ADGRV1: variants seen among roughly 807,000 people sequenced by gnomAD.
ADGRV1 encodes the protein adhesion G protein-coupled receptor V1.
Under a neutral mutation model 596.2 loss-of-function variants are expected in ADGRV1, and 359 were observed. The observed-to-expected ratio is 0.60, with a 90% confidence interval of 0.55 to 0.66. The LOEUF (loss-of-function observed/expected upper bound fraction) is 0.66, where lower values mean the gene tolerates loss of function less well. Ranked by LOEUF, ADGRV1 falls within the 30% of genes least tolerant of loss-of-function variation. ADGRV1 has a pLI of 0.00. For synonymous variants in ADGRV1, 2,681 were observed against 2,679.2 expected, an observed-to-expected ratio of 1.00 and a Z score of -0.02; for missense variants, 7,274 against 7,575.6, an observed-to-expected ratio of 0.96 and a Z score of 1.48.
At chr5:90,778,757 C>CT in intron 63 of ADGRV1, 108 bp from the exon 64 acceptor site, 1 of 1,073,340 alleles carries the variant, frequency 9.3e-7, no homozygotes, top group Non-Finnish European at 1.3e-6. Context: ...ATTTTATAAC[C>CT]TTATATGTAA....
intron 53 of ADGRV1, among the ~76,000 whole-genome samples, chr5:90,751,504 A>G (rs935892359): frequency 2.6e-5 from 4 of 152,258 alleles, no homozygotes; most frequent in African/African-American, 9.6e-5. Context: ...GAGATTATCT[A>G]TTACTGGAGA....
intron 87 of ADGRV1, among the ~76,000 whole-genome samples, chr5:91,110,482 G>A (rs768714756): frequency 9.2e-5 from 14 of 152,096 alleles, no homozygotes; most frequent in Non-Finnish European, 1.6e-4. Flanking sequence ...TAAATATTTT[G>A]CATATCACTC....
chr5:91,014,045 A>G (rs1782950921), intron 85 of ADGRV1, among the ~76,000 whole-genome samples: 1 of 150,748 alleles, frequency 6.6e-6, no homozygotes, highest in Non-Finnish European at 1.5e-5. Context: ...TGGGCTCTCT[A>G]TTTTGTTCCG....
At chr5:91,128,547 T>C (rs1047069970) in intron 87 of ADGRV1, among the ~76,000 whole-genome samples, 1 of 152,202 alleles carries the variant, frequency 6.6e-6, no homozygotes, top group South Asian at 2.1e-4. Flanking sequence ...GAATAAATAC[T>C]TGGATGAATG....
At chr5:90,710,175 A>C (rs993045806) in intron 39 of ADGRV1, among the ~76,000 whole-genome samples, 1 of 152,204 alleles carries the variant, frequency 6.6e-6, no homozygotes, top group African/African-American at 2.4e-5. Context: ...CCATCCAGGC[A>C]GCTACCATAA....
At chr5:91,044,494 A>C (rs189376861) in intron 85 of ADGRV1, among the ~76,000 whole-genome samples, 10 of 152,206 alleles carry the variant, frequency 6.6e-5, no homozygotes, top group African/African-American at 2.4e-4. Flanking sequence ...GAACTTTCTC[A>C]TTTTCAATTT....
intron 4 of ADGRV1, among the ~76,000 whole-genome samples, chr5:90,620,900 C>A (rs1763980016): frequency 6.6e-6 from 1 of 152,128 alleles, no homozygotes; most frequent in Non-Finnish European, 1.5e-5. Context: ...TGTAGTCATC[C>A]CAACTCTTAG....
At chr5:91,091,181 T>G (rs1320433760) in intron 86 of ADGRV1, among the ~76,000 whole-genome samples, 1 of 152,080 alleles carries the variant, frequency 6.6e-6, no homozygotes, top group African/African-American at 2.4e-5. Context: ...TCCCTCCCAT[T>G]AAAAAACAAT....
chr5:91,162,969 C>T (rs1023347757), intron 89 of ADGRV1, among the ~76,000 whole-genome samples: 2 of 152,150 alleles, frequency 1.3e-5, no homozygotes, highest in Non-Finnish European at 2.9e-5. Context: ...ACCACATCCC[C>T]ATTGTGTGTG....
Position 90,720,167 on chromosome 5 carries a change from A to G in ADGRV1, c.9567A>G (p.Thr3189=). The part of the protein sequence containing the change: ...RLGVHVQTLI[T]VLQNQAPLGL... ...GGGTGCATGTTCAAACCCTGATAAC[A>G]GTTTTGCAAAACCAGGCCCCTTTGG... The change falls in exon 44 of 90, where the codon ACA becomes ACG. Residue 3189 remains threonine, a synonymous_variant. Coordinates refer to ENST00000405460, the MANE Select transcript of ADGRV1 (RefSeq NM_032119.4). The G allele has an allele frequency of 6.2e-7, 1 of 1,609,406 alleles. No homozygotes were observed. Among genetic ancestry groups the G allele is most frequent in the Non-Finnish European group, 8.5e-7 (1 of 1,177,892 alleles).
intron 78 of ADGRV1, among the ~76,000 whole-genome samples, chr5:90,841,327 G>GT (rs1393256415): frequency 6.6e-6 from 1 of 152,096 alleles, no homozygotes; most frequent in African/African-American, 2.4e-5. Flanking sequence ...TTGAGCCTCA[G>GT]TTTTTTTAGT....
At chr5:90,916,266 A>G (rs891749911) in intron 83 of ADGRV1, among the ~76,000 whole-genome samples, 1 of 152,184 alleles carries the variant, frequency 6.6e-6, no homozygotes, top group Non-Finnish European at 1.5e-5. Context: ...TTAATATAAT[A>G]ATTTTTCATT....
At chr5:90,899,900 G>T (rs1165136367) in intron 83 of ADGRV1, among the ~76,000 whole-genome samples, 1 of 152,034 alleles carries the variant, frequency 6.6e-6, no homozygotes, top group Non-Finnish European at 1.5e-5. Context: ...ATCACCTAAT[G>T]GTCTTAGCTG....
rs759025208 is a variant in ADGRV1 at position 90,757,137 on chromosome 5, G to T, written c.11916G>T (p.Gly3972=). 1 of 1,613,840 alleles carries T rather than the reference G, an allele frequency of 6.2e-7. No individual in the cohort carries two copies. The highest frequency in any genetic ancestry group is 1.7e-5 in the Admixed American group (1 of 60,006). The stretch of plus-strand genomic sequence containing the variant: ...TGGAAGACTTTAAACCATCTCATGG[G>T]ATTCTTGAATTTGCAGATAAACAGG... ...AGLEDFKPSH[G]ILEFADKQVT... is the part of the protein sequence containing the mutation. The change falls in exon 57 of 90, where the codon GGG becomes GGT. Residue 3972 remains glycine, a synonymous_variant. Transcript: ENST00000405460.
chr5:91,043,353 A>G (rs188831650), intron 85 of ADGRV1, among the ~76,000 whole-genome samples: 242 of 152,244 alleles, frequency 1.6e-3, no homozygotes, highest in African/African-American at 5.7e-3. Context: ...TAAAAAACCT[A>G]ATATTCTTAT....
intron 87 of ADGRV1, among the ~76,000 whole-genome samples, chr5:91,149,413 C>T (rs575178284): frequency 1.3e-5 from 2 of 152,296 alleles, no homozygotes; most frequent in East Asian, 3.9e-4. Context: ...GGCATTTCCC[C>T]TCCTTGCACT....
At position 91,006,719 on chromosome 5, in the gene ADGRV1, A is replaced by G. The variant is rs116585018; in HGVS notation, c.18152+21197A>G. 4.3e-3 allele frequency among the ~76,000 whole-genome samples: 657 copies of G among 152,344 alleles called. 3 individuals are homozygous for G. The highest frequency in any genetic ancestry group is 0.015 in the African/African-American group (626 of 41,588). ...GTGATTTTTTAAATTAAAAATAAGT[A>G]TATTAAGCATTTATAATTTAATATA... On this transcript the variant is annotated intron_variant, in intron 85 of 89. Transcript: ENST00000405460.
intron 19 of ADGRV1, 129 bp downstream of exon 19, chr5:90,652,692 AT>A: frequency 1.6e-6 from 1 of 606,702 alleles, no homozygotes; most frequent in Non-Finnish European, 2.8e-6. Context: ...TGACTATCTG[AT>A]TTTAAATGTT....
Position 90,625,129 on chromosome 5 carries a change from G to T in ADGRV1, c.559-1G>T. 6.3e-7 allele frequency: 1 copy of T among 1,591,628 alleles called. No individual in the cohort carries two copies. The highest frequency in any genetic ancestry group is 8.6e-7 in the Non-Finnish European group (1 of 1,161,452). ...TGATGGCATTTTGTGTTTCTTTGCA[G>T]GTAGAGGGTGGCCCAAATCCCCCTG... On this transcript the variant is annotated splice_acceptor_variant, in intron 5 of 89. Transcript: ENST00000405460. LOFTEE classifies it high-confidence loss of function.
Sources: gnomAD v4.1 joint callset for allele counts (sites outside exome capture counted in the v4.1 genomes callset) on GRCh38, gnomAD v4.1.1 for gene constraint, MANE v1.5 for transcripts, NCBI Gene and HGNC (gene_info 2026-07-23, HGNC 2026-07-21) for gene names.